The following AHI1 variants were observed in gnomAD, a reference collection of about 807,000 sequenced individuals.
AHI1 encodes Abelson helper integration site 1, also known as jouberin.
A neutral mutation model predicts 149.3 loss-of-function variants in AHI1; 123 were observed. That is an observed-to-expected ratio of 0.82 (90% CI 0.71 to 0.96). AHI1 has a LOEUF of 0.96. AHI1 is among the 40% of genes least tolerant of loss of function. AHI1 has a pLI of 0.00. For synonymous variants in AHI1, 475 were observed against 459.8 expected (o/e 1.03, Z -0.42); for missense variants, 1,439 against 1,422.7 (o/e 1.01, Z -0.18).
At chr6:135,363,470 C>G (rs1476736710) in intron 23 of AHI1, among the ~76,000 whole-genome samples, 1 of 152,206 alleles carries the variant, frequency 6.6e-6, no homozygotes, top group African/African-American at 2.4e-5. Flanking sequence ...ACACGGCAAC[C>G]ATCCGATTTC....
chr6:135,488,193 G>T (rs1794747789), intron 5 of AHI1, among the ~76,000 whole-genome samples: 1 of 152,138 alleles, frequency 6.6e-6, no homozygotes, highest in Non-Finnish European at 1.5e-5. Context: ...TGCCTGGAAT[G>T]CAGGATGACT....
intron 27 of AHI1, among the ~76,000 whole-genome samples, chr6:135,296,274 A>G (rs1473595091): frequency 6.6e-6 from 1 of 152,124 alleles, no homozygotes; most frequent in Admixed American, 6.6e-5. Flanking sequence ...ACCACCACCA[A>G]GTCTCACCTG....
At chr6:135,417,245 A>T (rs1782509296) in intron 20 of AHI1, among the ~76,000 whole-genome samples, 1 of 152,054 alleles carries the variant, frequency 6.6e-6, no homozygotes, top group African/African-American at 2.4e-5. Context: ...AAACTGGGTT[A>T]ATTATTTAAT....
chr6:135,472,681 G>C (rs779789704), intron 5 of AHI1, among the ~76,000 whole-genome samples: 4 of 152,088 alleles, frequency 2.6e-5, no homozygotes, highest in African/African-American at 7.2e-5. Flanking sequence ...TTGTTTTGTA[G>C]CTGTTGTATT....
chr6:135,451,292 G>A (rs528814070), intron 11 of AHI1, among the ~76,000 whole-genome samples: 39 of 152,110 alleles, frequency 2.6e-4, no homozygotes, highest in Non-Finnish European at 4.6e-4. Context: ...TACTGCATCC[G>A]TCATGCCACT....
intron 17 of AHI1, 124 bp from the exon 18 acceptor site, chr6:135,430,124 T>C (rs1473632106): frequency 5.4e-6 from 3 of 557,408 alleles, no homozygotes; most frequent in Non-Finnish European, 9.4e-6. Context: ...TTAAAATTGT[T>C]AGCAAAAGGA....
At chr6:135,343,247 A>G (rs1790653120) in intron 24 of AHI1, among the ~76,000 whole-genome samples, 1 of 151,948 alleles carries the variant, frequency 6.6e-6, no homozygotes, top group Non-Finnish European at 1.5e-5. Flanking sequence ...AAAATGCTGA[A>G]AACCACAAAA....
chr6:135,299,014 C>T (rs1174148923), intron 27 of AHI1, among the ~76,000 whole-genome samples: 1 of 151,912 alleles, frequency 6.6e-6, no homozygotes, highest in Middle Eastern at 3.2e-3. Context: ...ACAGTCTGTG[C>T]TTATTGTTTC....
intron 5 of AHI1, among the ~76,000 whole-genome samples, chr6:135,487,224 AG>A (rs750421147): frequency 7.2e-5 from 11 of 152,098 alleles, no homozygotes; most frequent in Admixed American, 2.0e-4. Flanking sequence ...CTGACAACTT[AG>A]AAAGTGTAAT....
chr6:135,427,940 A>G (rs1784130238), intron 19 of AHI1, among the ~76,000 whole-genome samples: 1 of 151,568 alleles, frequency 6.6e-6, no homozygotes, highest in South Asian at 2.1e-4. Context: ...TACAGGAAAC[A>G]AACAATCAAA....
At chr6:135,368,680 A>C (rs763058575) in intron 23 of AHI1, among the ~76,000 whole-genome samples, 2 of 152,128 alleles carry the variant, frequency 1.3e-5, no homozygotes, top group Admixed American at 6.5e-5. Flanking sequence ...GAAGTGAAGG[A>C]AAGGCAGTAG....
intron 26 of AHI1, among the ~76,000 whole-genome samples, chr6:135,314,210 G>A (rs1402743663): frequency 6.6e-6 from 1 of 150,972 alleles, no homozygotes; most frequent in Non-Finnish European, 1.5e-5. Flanking sequence ...AGGTATTTGG[G>A]AGGTAATTAG....
chr6:135,309,043 T>C (rs1784842892), intron 26 of AHI1, among the ~76,000 whole-genome samples: 1 of 152,188 alleles, frequency 6.6e-6, no homozygotes, highest in Non-Finnish European at 1.5e-5. Context: ...GAGGTACATA[T>C]ATCAAATACA....
At chr6:135,320,043 C>G (rs1272670464) in intron 25 of AHI1, among the ~76,000 whole-genome samples, 3 of 152,142 alleles carry the variant, frequency 2.0e-5, no homozygotes, top group Non-Finnish European at 4.4e-5. Flanking sequence ...AGATCAAGGA[C>G]AATTCTTCCT....
chr6:135,440,927 A>G (rs911849806), intron 14 of AHI1, among the ~76,000 whole-genome samples: 2 of 152,172 alleles, frequency 1.3e-5, no homozygotes, highest in African/African-American at 4.8e-5. Flanking sequence ...ATTATGAGAA[A>G]TGGAAAAAAC....
chr6:135,310,878 T>C (rs1785104794), intron 26 of AHI1, among the ~76,000 whole-genome samples: 1 of 152,088 alleles, frequency 6.6e-6, no homozygotes, highest in Non-Finnish European at 1.5e-5. Flanking sequence ...CTTTGGGTTT[T>C]GTTTTTTAGA....
At chr6:135,393,305 T>C (rs922145248) in intron 23 of AHI1, among the ~76,000 whole-genome samples, 1 of 152,206 alleles carries the variant, frequency 6.6e-6, no homozygotes, top group Non-Finnish European at 1.5e-5. Context: ...ATTATCTATA[T>C]CTTGTTGGCA....
At chr6:135,299,852 T>C (rs1002599484) in intron 27 of AHI1, among the ~76,000 whole-genome samples, 1 of 152,200 alleles carries the variant, frequency 6.6e-6, no homozygotes, top group Non-Finnish European at 1.5e-5. Flanking sequence ...AAAAAGGCAT[T>C]CATAATTTTA....
At chr6:135,363,062 A>T (rs1794168642) in intron 23 of AHI1, among the ~76,000 whole-genome samples, 1 of 149,560 alleles carries the variant, frequency 6.7e-6, no homozygotes. Flanking sequence ...TATTATTATT[A>T]TTTTTATTGA....
Sources: gnomAD v4.1 joint callset for allele counts (sites outside exome capture counted in the v4.1 genomes callset) on GRCh38, gnomAD v4.1.1 for gene constraint, MANE v1.5 for transcripts, NCBI Gene and HGNC (gene_info 2026-07-23, HGNC 2026-07-21) for gene names.